The following ZFPM1 variants were observed in gnomAD, a reference collection of about 807,000 sequenced individuals.
ZFPM1 encodes zinc finger protein ZFPM1.
Under a neutral mutation model 46.3 loss-of-function variants are expected in ZFPM1, and 28 were observed. The ratio of observed to expected loss-of-function variants is 0.60; its 90% CI spans 0.45 to 0.83. The LOEUF is 0.83. Among genes scored for constraint, ZFPM1 ranks in the 40% least tolerant of loss-of-function variants. The pLI, the probability that ZFPM1 is intolerant of heterozygous loss-of-function variation, is 0.00. For missense variants in ZFPM1, 1,878 were observed against 1,432.4 expected (o/e 1.31, Z -5.02); for synonymous variants, 957 against 675.9 (o/e 1.42, Z -6.45).
chr16:88,529,550 CCA>C (rs1364286044), intron 6 of ZFPM1, among the ~76,000 whole-genome samples: 3 of 152,200 alleles, frequency 2.0e-5, no homozygotes, highest in African/African-American at 7.2e-5. Flanking sequence ...AAAAGAGAAG[CCA>C]CAGAGTCCAC....
Position 88,533,678 on chromosome 16 carries a change from C to T in ZFPM1, c.1720C>T (p.Pro574Ser), listed in dbSNP as rs769784761. ...GAQTGLFPGAPKGATCFECEI... is the reference protein window; with the variant it reads ...GAQTGLFPGASKGATCFECEI... The stretch of plus-strand genomic sequence containing the variant: ...GCAGACCGGGCTCTTCCCCGGGGCC[C>T]CCAAGGGCGCTACGTGCTTCGAGTG... The change falls in exon 10 of 10, where the codon CCC becomes TCC. Residue 574 changes from proline to serine, a missense_variant. By Grantham distance (74) the Pro-to-Ser change is moderately conservative. Transcript: ENST00000319555. 2 of 1,493,910 alleles carry T rather than the reference C, an allele frequency of 1.3e-6. No individual in the cohort carries two copies. The highest frequency in any genetic ancestry group is 2.2e-5 in the Admixed American group (1 of 46,374). 92.5% of individuals were successfully genotyped at this position (1,493,910 alleles called of 1,614,324 possible).
chr16:88,526,900 A>G lies in ZFPM1; in HGVS notation c.489A>G (p.Thr163=). ...PQALTEAEAN[T]EIHRKDDALW... ...CCCTGACTGAGGCCGAGGCCAACAC[A>G]GAGATCCACAGGAAGGGTCAGTATG... Residue 163 remains threonine (T), a synonymous_variant, in exon 5 of 10, where the codon ACA becomes ACG. Transcript: ENST00000319555. The G allele has an allele frequency of 6.3e-7, 1 of 1,575,104 alleles. No individual in the cohort carries two copies. The highest frequency in any genetic ancestry group is 8.6e-7 in the Non-Finnish European group (1 of 1,160,358).
intron 3 of ZFPM1, among the ~76,000 whole-genome samples, chr16:88,502,065 C>CCCCCCATTT (rs1245793542): frequency 1.4e-5 from 1 of 72,940 alleles, no homozygotes; most frequent in South Asian, 5.3e-4. Context: ...CGCCCCCCCC[C>CCCCCCATTT]ATTTATTTAT....
intron 1 of ZFPM1, among the ~76,000 whole-genome samples, chr16:88,459,592 CCTCCTCTTT>C (rs1377879077): frequency 8.4e-6 from 1 of 118,416 alleles, no homozygotes; most frequent in Non-Finnish European, 1.8e-5. Context: ...TCCTCCCCCT[CCTCCTCTTT>C]CTCCTCCCCC....
chr16:88,457,286 G>C (rs1907601284), intron 1 of ZFPM1, among the ~76,000 whole-genome samples: 1 of 152,268 alleles, frequency 6.6e-6, no homozygotes, highest in African/African-American at 2.4e-5. Context: ...GGGTGTTGAG[G>C]CTGTCAGAGG....
At chr16:88,490,342 A>G (rs1389839721) in intron 3 of ZFPM1, among the ~76,000 whole-genome samples, 2 of 152,152 alleles carry the variant, frequency 1.3e-5, no homozygotes, top group African/African-American at 2.4e-5. Context: ...GTGAGCCACC[A>G]CGCCCGGCAG....
intron 3 of ZFPM1, among the ~76,000 whole-genome samples, chr16:88,505,469 CAG>C (rs1282155861): frequency 6.6e-5 from 10 of 152,300 alleles, no homozygotes; most frequent in African/African-American, 2.2e-4. Context: ...AGCAGGAAGA[CAG>C]AGTTAATGAA....
chr16:88,524,412 C>T (rs894346907), intron 4 of ZFPM1, among the ~76,000 whole-genome samples: 3 of 152,208 alleles, frequency 2.0e-5, no homozygotes, highest in East Asian at 1.9e-4. Context: ...GCGTGCAGTT[C>T]CTGAGCCCTG....
At chr16:88,526,368 G>A (rs1052566014) in intron 4 of ZFPM1, among the ~76,000 whole-genome samples, 55 of 152,314 alleles carry the variant, frequency 3.6e-4, no homozygotes, top group African/African-American at 1.3e-3. Flanking sequence ...TGTGGAAGGA[G>A]CCTCTACCAG....
At chr16:88,493,626 GCT>G (rs1301439805) in intron 3 of ZFPM1, among the ~76,000 whole-genome samples, 26 of 104,314 alleles carry the variant, frequency 2.5e-4, no homozygotes, top group Non-Finnish European at 4.9e-4. Flanking sequence ...GGTACAGAGA[GCT>G]GTCCCGGGGT....
In ZFPM1 at chr16:88,532,691, C is replaced by T; in HGVS notation, c.1024C>T (p.His342Tyr). 1.2e-6 allele frequency: 2 copies of T among 1,610,164 alleles called. No individual in the cohort carries two copies. Among genetic ancestry groups the T allele is most frequent in the African/African-American group, 1.3e-5 (1 of 74,992 alleles). ...CAACTGCGAGCGGCACCTCAAGGTGCACACGGACACGCTGAGCGGTAGGCA... is the reference window on the plus strand; with the variant it reads ...CAACTGCGAGCGGCACCTCAAGGTGTACACGGACACGCTGAGCGGTAGGCA... ...KANCERHLKV[H>Y]TDTLSGVCHS... Residue 342 changes from histidine (H) to tyrosine (Y), a missense_variant, in exon 8 of 10, where the codon CAC (histidine) becomes TAC (tyrosine). Physicochemically the swap from His to Tyr is moderately conservative, Grantham distance 83 (BLOSUM62 2). Coordinates refer to ENST00000319555, the MANE Select transcript of ZFPM1 (RefSeq NM_153813.3).
intron 3 of ZFPM1, among the ~76,000 whole-genome samples, chr16:88,506,921 G>T (rs903860736): frequency 6.6e-6 from 1 of 152,228 alleles, no homozygotes; most frequent in East Asian, 1.9e-4. Context: ...CTCCCTTCTC[G>T]CTAGCGCATG....
At chr16:88,523,838 C>A (rs1285554184) in intron 4 of ZFPM1, among the ~76,000 whole-genome samples, 1 of 152,222 alleles carries the variant, frequency 6.6e-6, no homozygotes, top group African/African-American at 2.4e-5. Context: ...CACCCTCCTT[C>A]CCCCTGCCCC....
chr16:88,475,216 G>T (rs979206369), intron 1 of ZFPM1, among the ~76,000 whole-genome samples: 2 of 152,270 alleles, frequency 1.3e-5, no homozygotes, highest in Non-Finnish European at 2.9e-5. Flanking sequence ...CTCCCGTGGG[G>T]TGTCGAGGGT....
intron 1 of ZFPM1, among the ~76,000 whole-genome samples, chr16:88,478,505 G>A (rs73257671): frequency 0.018 from 2,750 of 152,380 alleles, 75 homozygotes; most frequent in African/African-American, 0.061. Context: ...CGGCATCCCT[G>A]TAAGGGGTCG....
rs1243357284 is a variant in ZFPM1 at position 88,490,253 on chromosome 16, C to T, written c.268+1100C>T. The stretch of plus-strand genomic sequence containing the variant: ...ATTTTGAGGAGAGACGGGGTTTCAC[C>T]GTGTTAGCCAGGATGGTCTCGATCT... On this transcript the variant is annotated intron_variant, in intron 3 of 9. Coordinates refer to ENST00000319555, the MANE Select transcript of ZFPM1 (RefSeq NM_153813.3). 3.9e-5 allele frequency among the ~76,000 whole-genome samples: 6 copies of T among 152,114 alleles called. No homozygotes were observed. In the South Asian group the frequency reaches 6.2e-4, roughly 16 times the overall value.
intron 1 of ZFPM1, among the ~76,000 whole-genome samples, chr16:88,474,224 G>A (rs1908568028): frequency 6.6e-6 from 1 of 152,104 alleles, no homozygotes; most frequent in Non-Finnish European, 1.5e-5. Flanking sequence ...GCCTTGCCCC[G>A]CCCGGGCCAC....
At chr16:88,484,549 G>A (rs1174523036) in intron 1 of ZFPM1, among the ~76,000 whole-genome samples, 4 of 152,216 alleles carry the variant, frequency 2.6e-5, no homozygotes, top group Non-Finnish European at 5.9e-5. Context: ...GCTCAGGAGG[G>A]CCACGGCCCC....
At chr16:88,524,286 T>C (rs952389655) in intron 4 of ZFPM1, among the ~76,000 whole-genome samples, 18 of 152,110 alleles carry the variant, frequency 1.2e-4, no homozygotes, top group Non-Finnish European at 1.5e-5. Context: ...CGGGACACAG[T>C]AGCCGCCGGT....
Sources: gnomAD v4.1 joint callset for allele counts (sites outside exome capture counted in the v4.1 genomes callset) on GRCh38, gnomAD v4.1.1 for gene constraint, MANE v1.5 for transcripts, NCBI Gene and HGNC (gene_info 2026-07-23, HGNC 2026-07-21) for gene names.